Variants in PDE4D observed in about 807,000 individuals in gnomAD.
The protein encoded by PDE4D is 3',5'-cyclic-AMP phosphodiesterase 4D.
Under a neutral mutation model 87.4 loss-of-function variants are expected in PDE4D, and 24 were observed. That is an observed-to-expected ratio of 0.27 (90% confidence interval 0.20 to 0.39). PDE4D has a LOEUF of 0.39. Ranked by LOEUF, PDE4D falls within the 10% of genes least tolerant of loss-of-function variation. The probability of loss-of-function intolerance (pLI) is 1.00; values close to 1 mark genes in which losing one functional copy is unlikely to be tolerated. For synonymous variants in PDE4D, 384 were observed against 383.2 expected (o/e 1.00, Z -0.02); for missense variants, 714 against 1,041.0 (o/e 0.69, Z 4.32).
At chr5:59,480,674 C>T (rs546504857) in intron 1 of PDE4D, among the ~76,000 whole-genome samples, 1 of 152,148 alleles carries the variant, frequency 6.6e-6, no homozygotes, top group African/African-American at 2.4e-5. Context: ...TCCAATATGA[C>T]ATTTTTCTTA....
chr5:59,256,547 T>C (rs913922042), intron 1 of PDE4D, among the ~76,000 whole-genome samples: 9 of 151,990 alleles, frequency 5.9e-5, no homozygotes, highest in Admixed American at 2.6e-4. Flanking sequence ...GGCAAAACTG[T>C]TGTCAAAAAA....
rs184409137 is a variant in PDE4D at position 60,076,153 on chromosome 5, A to T, written c.43-87436T>A. 1.4e-4 allele frequency among the ~76,000 whole-genome samples: 20 copies of T among 142,588 alleles called. No individual in the cohort carries two copies. In the East Asian group the frequency reaches 4.8e-3, roughly 34 times the overall value. The allele number at this position is 142,588 out of a possible 152,430, so 93.5% of individuals were successfully genotyped here. On this transcript the variant is annotated intron_variant, in intron 2 of 16. Transcript: ENST00000502484. ...ATCTTTGTGGTCTGATGTTCCTCCA[A>T]TCTTTTTCGAATTTTTTTTTTTTGA...
chr5:58,979,016 C>T (rs1195423634), intron 11 of PDE4D, among the ~76,000 whole-genome samples: 1 of 152,112 alleles, frequency 6.6e-6, no homozygotes, highest in Non-Finnish European at 1.5e-5. Flanking sequence ...AGGAAATATG[C>T]ATGTAGACAA....
intron 6 of PDE4D, among the ~76,000 whole-genome samples, chr5:59,037,012 T>C (rs567503269): frequency 1.3e-5 from 2 of 152,342 alleles, no homozygotes; most frequent in South Asian, 4.1e-4. Flanking sequence ...AAGATTTTTT[T>C]TTTAAATCCC....
At chr5:60,356,476 A>G (rs144593849) in intron 1 of PDE4D, among the ~76,000 whole-genome samples, 1,610 of 152,300 alleles carry the variant, frequency 0.011, 19 homozygotes, top group Non-Finnish European at 0.017. Context: ...TAATATTACT[A>G]TCAGCATATT....
intron 1 of PDE4D, among the ~76,000 whole-genome samples, chr5:60,306,018 G>T (rs1480992793): frequency 6.6e-6 from 1 of 151,986 alleles, no homozygotes; most frequent in African/African-American, 2.4e-5. Flanking sequence ...TTCAAATCAA[G>T]AAAATACTTT....
At chr5:59,556,211 C>G (rs1426021623) in intron 1 of PDE4D, among the ~76,000 whole-genome samples, 1 of 152,172 alleles carries the variant, frequency 6.6e-6, no homozygotes, top group Non-Finnish European at 1.5e-5. Context: ...TAGTGGCCTG[C>G]ACATCTGAGA....
chr5:60,236,078 C>T (rs1463733457), intron 1 of PDE4D, among the ~76,000 whole-genome samples: 1 of 151,730 alleles, frequency 6.6e-6, no homozygotes, highest in African/African-American at 2.4e-5. Flanking sequence ...TCAACTTGCA[C>T]CTCACTATTT....
chr5:59,257,695 T>G (rs1389615793), intron 1 of PDE4D, among the ~76,000 whole-genome samples: 1 of 151,970 alleles, frequency 6.6e-6, no homozygotes, highest in Admixed American at 6.6e-5. Flanking sequence ...CACTTGCTAC[T>G]TAAAGTCAAA....
At chr5:60,022,019 T>C (rs1582218384) in intron 2 of PDE4D, among the ~76,000 whole-genome samples, 1 of 152,220 alleles carries the variant, frequency 6.6e-6, no homozygotes, top group Non-Finnish European at 1.5e-5. Flanking sequence ...GGCTGAATAT[T>C]GCATGTTTTT....
At chr5:59,871,340 T>C (rs1044018013) in intron 1 of PDE4D, among the ~76,000 whole-genome samples, 3 of 152,070 alleles carry the variant, frequency 2.0e-5, no homozygotes, top group African/African-American at 4.8e-5. Context: ...CCACCTGATA[T>C]GGAAAAAGGA....
At chr5:59,826,730 G>T (rs560424205) in intron 1 of PDE4D, among the ~76,000 whole-genome samples, 7 of 152,226 alleles carry the variant, frequency 4.6e-5, no homozygotes, top group African/African-American at 1.7e-4. Context: ...CAAGGGAGTA[G>T]AGGCTGGGAA....
chr5:59,040,274 A>G (rs756774040), intron 5 of PDE4D, among the ~76,000 whole-genome samples: 3 of 152,198 alleles, frequency 2.0e-5, no homozygotes, highest in Non-Finnish European at 4.4e-5. Context: ...AAAATATACA[A>G]TGTTGTGGGG....
intron 2 of PDE4D, among the ~76,000 whole-genome samples, chr5:60,069,027 T>C (rs1026787183): frequency 6.6e-6 from 1 of 152,182 alleles, no homozygotes; most frequent in Non-Finnish European, 1.5e-5. Context: ...TTTTTGCATA[T>C]GATGTAAGAC....
chr5:59,761,694 C>T (rs1761985803), intron 1 of PDE4D, among the ~76,000 whole-genome samples: 1 of 152,078 alleles, frequency 6.6e-6, no homozygotes, highest in Non-Finnish European at 1.5e-5. Context: ...CAATAACATG[C>T]ATGGAGCTGT....
chr5:59,660,559 G>T (rs1349412813), intron 1 of PDE4D, among the ~76,000 whole-genome samples: 1 of 152,082 alleles, frequency 6.6e-6, no homozygotes, highest in Non-Finnish European at 1.5e-5. Flanking sequence ...ACTGAATGTG[G>T]TTGTGCTTTT....
intron 1 of PDE4D, among the ~76,000 whole-genome samples, chr5:59,695,307 T>C (rs1379230215): frequency 6.6e-6 from 1 of 152,134 alleles, no homozygotes; most frequent in Admixed American, 6.6e-5. Context: ...TCTTTACTCT[T>C]AGCTCCTCAC....
intron 1 of PDE4D, among the ~76,000 whole-genome samples, chr5:60,377,539 C>T (rs1345782): frequency 2.0e-5 from 3 of 152,010 alleles, no homozygotes; most frequent in African/African-American, 4.8e-5. Context: ...ACTCAGGCCT[C>T]GATAAGAAAC....
chr5:60,291,057 CT>C (rs2149771730), intron 1 of PDE4D, among the ~76,000 whole-genome samples: 1 of 152,242 alleles, frequency 6.6e-6, no homozygotes, highest in African/African-American at 2.4e-5. Context: ...TTGTTAGAAT[CT>C]TTTTTCTGGG....
Sources: allele counts gnomAD v4.1 joint callset (sites outside exome capture counted in the v4.1 genomes callset), GRCh38; gene constraint gnomAD v4.1.1; transcripts MANE v1.5; gene names NCBI Gene and HGNC (gene_info 2026-07-23, HGNC 2026-07-21).